Variants in ENKUR observed in about 807,000 individuals in gnomAD.
ENKUR encodes the protein enkurin, TRPC channel interacting protein.
ENKUR carries 19 observed loss-of-function variants against 27.6 expected under a neutral mutation model. That is an observed-to-expected ratio of 0.69 (90% CI 0.48 to 1.01). The LOEUF (loss-of-function observed/expected upper bound fraction) is 1.01, where lower values mean the gene tolerates loss of function less well. Ranked by LOEUF, ENKUR falls within the 50% of genes least tolerant of loss-of-function variation. ENKUR has a pLI of 0.00. For missense variants in ENKUR, 312 were observed against 310.5 expected (o/e 1.00, Z -0.04); for synonymous variants, 117 against 96.9 (o/e 1.21, Z -1.22).
intron 2 of ENKUR, among the ~76,000 whole-genome samples, chr10:25,050,740 G>A (rs12265350): frequency 0.067 from 10,247 of 152,086 alleles, 1,139 homozygotes; most frequent in African/African-American, 0.23. Context: ...TAGATGCTGC[G>A]GTTTGTGGAG....
chr10:25,025,217 C>T, intron 2 of ENKUR: 1 of 1,614,198 alleles, frequency 6.2e-7, no homozygotes. Flanking sequence ...ATCTCATCTA[C>T]AGCCCATTAC....
intron 2 of ENKUR, among the ~76,000 whole-genome samples, chr10:24,996,492 G>C (rs1588653538): frequency 6.6e-6 from 1 of 151,666 alleles, no homozygotes; most frequent in East Asian, 1.9e-4. Flanking sequence ...TAAATACAAG[G>C]AAGAAGTATT....
At chr10:24,987,018 A>G (rs1442775899) in intron 4 of ENKUR, among the ~76,000 whole-genome samples, 2 of 152,100 alleles carry the variant, frequency 1.3e-5, no homozygotes, top group Admixed American at 1.3e-4. Context: ...CCCACCCCCA[A>G]ACATTCTCCA....
At chr10:25,003,846 G>A (rs1266100342) in intron 1 of ENKUR, among the ~76,000 whole-genome samples, 1 of 152,098 alleles carries the variant, frequency 6.6e-6, no homozygotes, top group Non-Finnish European at 1.5e-5. Context: ...CCTCCGATAG[G>A]CCCCAGGGTG....
intron 3 of ENKUR, among the ~76,000 whole-genome samples, chr10:24,994,729 G>A (rs1253516830): frequency 6.6e-6 from 1 of 152,054 alleles, no homozygotes; most frequent in Non-Finnish European, 1.5e-5. Context: ...TTATTTTAAA[G>A]ATCTGTATTT....
At chr10:25,007,576 A>AT (rs1286880235) in intron 1 of ENKUR, among the ~76,000 whole-genome samples, 1 of 152,116 alleles carries the variant, frequency 6.6e-6, no homozygotes, top group Non-Finnish European at 1.5e-5. Context: ...CTGGGACTAC[A>AT]GGCGCCCGCC....
chr10:25,025,194 T>C (rs756255367), intron 2 of ENKUR: 1 of 1,614,188 alleles, frequency 6.2e-7, no homozygotes, highest in South Asian at 1.1e-5. Flanking sequence ...AAGACAAAAC[T>C]TGCCCTGTGA....
At chr10:24,989,279 C>A (rs1040622277) in intron 4 of ENKUR, among the ~76,000 whole-genome samples, 1 of 152,194 alleles carries the variant, frequency 6.6e-6, no homozygotes, top group Non-Finnish European at 1.5e-5. Flanking sequence ...TCCTGCCTGT[C>A]TGCCTTCCTC....
chr10:25,061,266 C>G (rs1236409401), exon 2 of ENKUR: 7 of 857,784 alleles, frequency 8.2e-6, no homozygotes, highest in Non-Finnish European at 1.3e-5. Context: ...CCAGACACAT[C>G]CAGATATGGA....
In ENKUR at chr10:24,990,456, C is replaced by T. The variant is rs374676162; in HGVS notation, c.594+7G>A. 1.4e-5 allele frequency: 22 copies of T among 1,609,120 alleles called. No individual in the cohort carries two copies. Among genetic ancestry groups the T allele is most frequent in the Admixed American group, 1.7e-5 (1 of 58,878 alleles). On this transcript the variant is annotated splice_region_variant and intron_variant, in intron 4 of 5. Coordinates refer to ENST00000331161, the MANE Select transcript of ENKUR (RefSeq NM_145010.4). ...TTACAGATGAATGTAAATGGCAGAACACACACCTGCAAAACTGCCTCCCTT... is the reference window on the plus strand; with the variant it reads ...TTACAGATGAATGTAAATGGCAGAATACACACCTGCAAAACTGCCTCCCTT...
chr10:25,013,571 A>C (rs963852385), intron 1 of ENKUR, among the ~76,000 whole-genome samples: 4 of 152,270 alleles, frequency 2.6e-5, no homozygotes, highest in African/African-American at 9.6e-5. Flanking sequence ...TGGACTGTTC[A>C]GACCATAACT....
intron 1 of ENKUR, among the ~76,000 whole-genome samples, chr10:25,009,200 A>G (rs1374406833): frequency 1.3e-5 from 2 of 152,186 alleles, no homozygotes; most frequent in Admixed American, 6.5e-5. Context: ...GCACATGTAT[A>G]CATATGTAAC....
chr10:24,984,917 C>A lies in ENKUR; in HGVS notation c.595-12G>T. On this transcript the variant is annotated splice_polypyrimidine_tract_variant and intron_variant, in intron 4 of 5. Transcript: ENST00000331161. Reference sequence around the variant, plus strand: ...TTCTTTTTCAGCCCCTGCAAATGGTCAAGAAACTTGTAAATACCAAAGCAA... The same window carrying A: ...TTCTTTTTCAGCCCCTGCAAATGGTAAAGAAACTTGTAAATACCAAAGCAA... 1.2e-6 allele frequency: 2 copies of A among 1,605,480 alleles called. No individual in the cohort carries two copies. Among genetic ancestry groups the A allele is most frequent in the South Asian group, 2.3e-5 (2 of 88,672 alleles).
intron 2 of ENKUR, among the ~76,000 whole-genome samples, chr10:24,996,369 C>T (rs1341233680): frequency 2.6e-5 from 4 of 151,954 alleles, no homozygotes; most frequent in Non-Finnish European, 2.9e-5. Flanking sequence ...TTGCAGTGAA[C>T]CGAGATCATG....
intron 2 of ENKUR, 98 bp from the exon 3 acceptor site, chr10:24,995,967 G>T: frequency 3.2e-6 from 3 of 942,288 alleles, no homozygotes; most frequent in Non-Finnish European, 4.6e-6. Flanking sequence ...GTATATTGAA[G>T]TTGCAGTCAT....
intron 2 of ENKUR, among the ~76,000 whole-genome samples, chr10:25,029,121 T>C (rs892506929): frequency 6.6e-6 from 1 of 152,208 alleles, no homozygotes; most frequent in African/African-American, 2.4e-5. Context: ...CCAATAGATA[T>C]ACTGTTTTTT....
chr10:25,031,769 C>T (rs1370075185), intron 2 of ENKUR, among the ~76,000 whole-genome samples: 12 of 141,334 alleles, frequency 8.5e-5, no homozygotes, highest in Non-Finnish European at 1.6e-4. Flanking sequence ...TTTTAAATTG[C>T]TTTCTGTTCT....
In ENKUR at chr10:24,983,759, G is replaced by A. The variant is rs1054396413; in HGVS notation, c.*611C>T. On this transcript the variant is annotated 3_prime_UTR_variant, in exon 6 of 6. Coordinates refer to ENST00000331161, the MANE Select transcript of ENKUR (RefSeq NM_145010.4). The stretch of plus-strand genomic sequence containing the variant: ...GTCCAGAGGATAAAAACCAGTGTAA[G>A]CAGTAGAAATTGTTATTTCTCTGAT... 4 of 152,100 alleles carry A rather than the reference G, an allele frequency of 2.6e-5. No homozygotes were observed. Among genetic ancestry groups the A allele is most frequent in the Non-Finnish European group, 5.9e-5 (4 of 68,008 alleles). 9.4% of individuals were successfully genotyped at this position (152,100 alleles called of 1,614,324 possible).
intron 2 of ENKUR, among the ~76,000 whole-genome samples, chr10:25,036,922 G>A (rs1359671045): frequency 6.6e-6 from 1 of 152,106 alleles, no homozygotes; most frequent in Non-Finnish European, 1.5e-5. Context: ...CTATGGGAGG[G>A]GAGCCAAGAA....
Sources: gnomAD v4.1 joint callset for allele counts (sites outside exome capture counted in the v4.1 genomes callset) on GRCh38, gnomAD v4.1.1 for gene constraint, MANE v1.5 for transcripts, NCBI Gene and HGNC (gene_info 2026-07-23, HGNC 2026-07-21) for gene names.